Variants in CALB2 observed in about 807,000 individuals in gnomAD.
The protein encoded by CALB2 is calbindin 2.
A neutral mutation model predicts 45.9 loss-of-function variants in CALB2; 34 were observed. The observed-to-expected ratio is 0.74, with a 90% CI of 0.56 to 0.99. The LOEUF (loss-of-function observed/expected upper bound fraction) is 0.99. Ranked by LOEUF, CALB2 falls within the 50% of genes least tolerant of loss-of-function variation. The pLI is 0.00. For synonymous variants in CALB2, 142 were observed against 129.6 expected (o/e 1.10, Z -0.65); for missense variants, 344 against 339.3 (o/e 1.01, Z -0.11).
At chr16:71,388,346 A>AAAAAG (rs2042594626) in intron 10 of CALB2, among the ~76,000 whole-genome samples, 10 of 137,068 alleles carry the variant, frequency 7.3e-5, no homozygotes, top group African/African-American at 2.4e-4. Flanking sequence ...AAAAAAAAAA[A>AAAAAG]AAAAAGAAAA....
intron 4 of CALB2, among the ~76,000 whole-genome samples, chr16:71,379,411 T>C (rs1421746074): frequency 6.6e-6 from 1 of 152,230 alleles, no homozygotes; most frequent in Admixed American, 6.5e-5. Flanking sequence ...ATTCATCTGA[T>C]AAATTGAACC....
chr16:71,367,301 G>A (rs938209750), intron 1 of CALB2, among the ~76,000 whole-genome samples: 3 of 150,350 alleles, frequency 2.0e-5, no homozygotes, highest in Admixed American at 6.7e-5. Flanking sequence ...CGTCTTTATC[G>A]ATGTCTTTAT....
At chr16:71,372,516 A>AT (rs1224762742) in intron 2 of CALB2, among the ~76,000 whole-genome samples, 2 of 152,024 alleles carry the variant, frequency 1.3e-5, no homozygotes, top group Admixed American at 1.3e-4. Flanking sequence ...TATATGTAGT[A>AT]TTTTTTTGTC....
chr16:71,379,697 C>T (rs970709324), intron 4 of CALB2, among the ~76,000 whole-genome samples: 7 of 152,120 alleles, frequency 4.6e-5, no homozygotes, highest in East Asian at 1.9e-4. Flanking sequence ...TTCCAGCCAC[C>T]GGTAATCCCC....
At chr16:71,385,466 C>G (rs76973855) in intron 9 of CALB2, 111 bp from the exon 10 acceptor site, 11,764 of 785,000 alleles carry the variant, frequency 0.015, 144 homozygotes, top group Non-Finnish European at 0.02. Context: ...CTGAACACCC[C>G]CTTTTGCACA....
In CALB2 at chr16:71,383,962, C is replaced by T. The variant is rs773115433; in HGVS notation, c.478-8C>T. ...CAAATAACCCAGGCACCTTTCTGTC[C>T]CCAACAGCTACGGATGTTTGACTTG... On this transcript the variant is annotated splice_region_variant and splice_polypyrimidine_tract_variant and intron_variant, in intron 6 of 10. Transcript: ENST00000302628. 13 of 1,613,710 alleles carry T rather than the reference C, an allele frequency of 8.1e-6. No individual in the cohort carries two copies. The South Asian group carries it at 1.2e-4, about 15-fold the overall frequency.
chr16:71,385,227 C>T, intron 9 of CALB2: 1 of 342,228 alleles, frequency 2.9e-6, no homozygotes, highest in Non-Finnish European at 5.4e-6. Flanking sequence ...CCTGGGCTGT[C>T]CCCTGCCCAC....
At chr16:71,368,504 C>CTAAAAATAAAATAAAA (rs2042312168) in intron 1 of CALB2, among the ~76,000 whole-genome samples, 1 of 146,198 alleles carries the variant, frequency 6.8e-6, no homozygotes, top group Admixed American at 6.6e-5. Context: ...CAGACCCTGT[C>CTAAAAATAAAATAAAA]TAAAAATAAA....
rs1223328106 is a variant in CALB2 at position 71,376,454 on chromosome 16, C to T, written c.262-1213C>T. 5.3e-5 allele frequency among the ~76,000 whole-genome samples: 8 copies of T among 152,198 alleles called. No individual in the cohort carries two copies. In the South Asian group the frequency reaches 1.0e-3, roughly 20 times the overall value. The stretch of plus-strand genomic sequence containing the variant: ...GCGGCTAGCAAGATGGCTGCCACAG[C>T]GCCAGGCATCACATCCACATACACC... On this transcript the variant is annotated intron_variant, in intron 3 of 10. Transcript: ENST00000302628.
In CALB2 at chr16:71,374,817, A is replaced by T; in HGVS notation, c.244A>T (p.Lys82Ter). ...MQKYDKNSDGKIEMAELAQIL... is the reference protein window; with the variant it reads ...MQKYDKNSDG ...GAAGTATGATAAAAACTCAGATGGG[A>T]AAATCGAGATGGCAGAGGTGAGCCC... Residue 82 changes from lysine to a stop codon, truncating the protein, a stop_gained, in exon 3 of 11, where the codon AAA (lysine) becomes TAA (stop). Coordinates refer to ENST00000302628, the MANE Select transcript of CALB2 (RefSeq NM_001740.5). LOFTEE classifies it high-confidence loss of function. 9 of 1,612,406 alleles carry T rather than the reference A, an allele frequency of 5.6e-6. No individual in the cohort carries two copies. Among genetic ancestry groups the T allele is most frequent in the Non-Finnish European group, 7.6e-6 (9 of 1,178,582 alleles).
intron 10 of CALB2, among the ~76,000 whole-genome samples, chr16:71,386,673 C>G (rs1423362643): frequency 6.6e-6 from 1 of 152,198 alleles, no homozygotes; most frequent in Non-Finnish European, 1.5e-5. Flanking sequence ...CTCTGAGCAA[C>G]TGGTTTTGCT....
chr16:71,390,375 T>C lies in CALB2; in HGVS notation c.*510T>C, dbSNP rs1458878933. 1 of 153,304 alleles carries C rather than the reference T, an allele frequency of 6.5e-6. No individual in the cohort carries two copies. The highest frequency in any genetic ancestry group is 2.1e-4 in the South Asian group (1 of 4,856). 9.5% of individuals were successfully genotyped at this position (153,304 alleles called of 1,614,324 possible). A position where few individuals can be genotyped will look rare whatever the true frequency, so the allele number is the denominator to read the frequency against. On this transcript the variant is annotated 3_prime_UTR_variant, in exon 11 of 11. Coordinates refer to ENST00000302628, the MANE Select transcript of CALB2 (RefSeq NM_001740.5). The stretch of plus-strand genomic sequence containing the variant: ...GTGCTCCTTTTCTCTTTGGGTTTCT[T>C]GTTTACCAAAGAAGAGTTTACAGAC...
intron 4 of CALB2, among the ~76,000 whole-genome samples, chr16:71,379,657 C>G (rs2042463362): frequency 6.6e-6 from 1 of 152,180 alleles, no homozygotes; most frequent in African/African-American, 2.4e-5. Flanking sequence ...TTCGACGTGA[C>G]TCTCTGCCAT....
chr16:71,379,008 G>A (rs936630236), intron 4 of CALB2, among the ~76,000 whole-genome samples: 2 of 152,164 alleles, frequency 1.3e-5, no homozygotes, highest in African/African-American at 4.8e-5. Flanking sequence ...TGGTCACTGT[G>A]CCCTATGCCT....
rs768950133 is a variant in CALB2 at position 71,382,751 on chromosome 16, C to T, written c.375C>T (p.Gly125=). 1 of 1,612,026 alleles carries T rather than the reference C, an allele frequency of 6.2e-7. No homozygotes were observed. The highest frequency in any genetic ancestry group is 1.1e-5 in the South Asian group (1 of 90,716). Residue 125 remains glycine, a synonymous_variant, in exon 5 of 11, where the codon GGC becomes GGT. Transcript: ENST00000302628. ...AWRKYDTDRS[G]YIEANELKGF... ...GGAAGTACGACACAGACAGGAGTGG[C>T]TACATCGAAGCCAATGAGCTCAAGG...
chr16:71,383,376 T>G lies in CALB2; in HGVS notation c.409T>G (p.Ser137Ala). 1 of 1,614,112 alleles carries G rather than the reference T, an allele frequency of 6.2e-7. No individual in the cohort carries two copies. Among genetic ancestry groups the G allele is most frequent in the South Asian group, 1.1e-5 (1 of 91,080 alleles). ...GCCTTTTGTGTTGCAGGGATTCCTG[T>G]CAGACCTGCTGAAGAAGGCGAACCG... ...IEANELKGFL[S>A]DLLKKANRPY... Residue 137 changes from serine to alanine, a missense_variant, in exon 6 of 11, where the codon TCA (serine) becomes GCA (alanine). Around this residue, in one of 3 missense-constraint regions of CALB2, gnomAD observed 263 missense variants for 241.7 expected, o/e 1.09. Coordinates refer to ENST00000302628, the MANE Select transcript of CALB2 (RefSeq NM_001740.5).
At chr16:71,386,091 T>C (rs777333395) in intron 10 of CALB2, among the ~76,000 whole-genome samples, 5 of 152,156 alleles carry the variant, frequency 3.3e-5, no homozygotes, top group Non-Finnish European at 5.9e-5. Flanking sequence ...GTAAAGAAAA[T>C]AGTATAATCT....
intron 3 of CALB2, 120 bp downstream of exon 3, chr16:71,374,954 C>A: frequency 1.5e-6 from 1 of 646,276 alleles, no homozygotes; most frequent in Non-Finnish European, 2.8e-6. Flanking sequence ...AGCTCCTGCA[C>A]CCCCAGCACT....
chr16:71,389,513 T>G lies in CALB2; in HGVS notation c.700-236T>G, dbSNP rs183209519. On this transcript the variant is annotated intron_variant, in intron 10 of 10. Transcript: ENST00000302628. ...GTACCCATTTTACAGGTGAGGCAGC[T>G]GAGTCTCAGGAAGGTTGACTACCTT... is the stretch of plus-strand genomic sequence containing the variant. 3 of 688,582 alleles carry G rather than the reference T, an allele frequency of 4.4e-6. No individual in the cohort carries two copies. In the Admixed American group the frequency reaches 5.5e-5, roughly 13 times the overall value. The allele number at this position is 688,582 out of a possible 1,614,324, so 42.7% of individuals were successfully genotyped here.
Sources: allele counts gnomAD v4.1 joint callset (sites outside exome capture counted in the v4.1 genomes callset), GRCh38; gene constraint gnomAD v4.1.1; regional missense constraint gnomAD v4.1.1; transcripts MANE v1.5; gene names NCBI Gene and HGNC (gene_info 2026-07-23, HGNC 2026-07-21).